Variants in GLI2 observed in about 807,000 individuals in gnomAD.
GLI2 encodes the protein GLI family zinc finger 2.
In GLI2, 22 loss-of-function variants were observed where a neutral mutation model predicts 78.9. The ratio of observed to expected loss-of-function variants is 0.28; its 90% CI spans 0.20 to 0.40. The LOEUF is 0.40. GLI2 is among the 10% of genes least tolerant of loss of function. GLI2 has a pLI of 1.00. For missense variants in GLI2, 2,097 were observed against 2,213.2 expected, an observed-to-expected ratio of 0.95 and a Z score of 1.05; for synonymous variants, 974 against 963.7, an observed-to-expected ratio of 1.01 and a Z score of -0.20.
At chr2:120,782,019 A>G (rs1352568236) in intron 1 of GLI2, among the ~76,000 whole-genome samples, 2 of 152,152 alleles carry the variant, frequency 1.3e-5, no homozygotes, top group Admixed American at 6.6e-5. Context: ...TGTGTATGCA[A>G]TTTTGTTTTA....
At chr2:120,827,306 G>A (rs1451051207) in intron 2 of GLI2, among the ~76,000 whole-genome samples, 1 of 152,216 alleles carries the variant, frequency 6.6e-6, no homozygotes, top group Non-Finnish European at 1.5e-5. Flanking sequence ...CTGTGAGCGG[G>A]TGATGAAGAG....
At chr2:120,776,440 G>A (rs569735475) in intron 1 of GLI2, among the ~76,000 whole-genome samples, 2 of 152,296 alleles carry the variant, frequency 1.3e-5, no homozygotes, top group South Asian at 2.1e-4. Flanking sequence ...CGTGTTTGGT[G>A]GCTGTGTAGA....
chr2:120,982,177 G>A (rs574284994), intron 10 of GLI2, among the ~76,000 whole-genome samples: 5 of 152,284 alleles, frequency 3.3e-5, no homozygotes, highest in Admixed American at 1.3e-4. Flanking sequence ...CCCCAAGCCA[G>A]AAAGAACTTA....
chr2:120,955,597 C>T (rs1413740787), intron 5 of GLI2, among the ~76,000 whole-genome samples, 167 bp downstream of exon 5: 1 of 152,186 alleles, frequency 6.6e-6, no homozygotes, highest in Non-Finnish European at 1.5e-5. Flanking sequence ...CTTTGGACAA[C>T]ACTTACTGAG....
rs563960005 is a variant in GLI2 at position 120,900,121 on chromosome 2, C to T, written c.149-27240C>T. Among the ~76,000 whole-genome samples the T allele has an allele frequency of 7.7e-4, 118 of 152,296 alleles. 2 individuals carry two copies. In the South Asian group the frequency reaches 0.023, roughly 30 times the overall value. The stretch of plus-strand genomic sequence containing the variant: ...AGGCAAGGCAGAAGAGGCAGAATCT[C>T]CTGGGGGTGGGAGGGTGGTTACAAA... On this transcript the variant is annotated intron_variant, in intron 2 of 13. Coordinates refer to ENST00000361492, the MANE Select transcript of GLI2 (RefSeq NM_001374353.1).
intron 1 of GLI2, among the ~76,000 whole-genome samples, chr2:120,761,606 GA>G (rs1683214706): frequency 6.6e-6 from 1 of 152,182 alleles, no homozygotes; most frequent in Non-Finnish European, 1.5e-5. Context: ...GGCAGAGGCA[GA>G]AGGGTCTGGG....
chr2:120,940,546 T>G (rs2104914229), intron 3 of GLI2, among the ~76,000 whole-genome samples: 1 of 152,292 alleles, frequency 6.6e-6, no homozygotes, highest in South Asian at 2.1e-4. Flanking sequence ...TGAATTATTT[T>G]CCTCCCACCC....
chr2:120,800,757 C>T lies in GLI2; in HGVS notation c.148+3289C>T, dbSNP rs1162952377. On this transcript the variant is annotated intron_variant, in intron 2 of 13. Transcript: ENST00000361492. This position sits in a 1 kb window ranked among gnomAD's most constrained non-coding sequence, Gnocchi z 4.1. ...TCCTGACCTCATGATCCGCCCGCCT[C>T]AGCCTCCCAAAGTGCCGGGATTACA... 1.3e-5 allele frequency among the ~76,000 whole-genome samples: 2 copies of T among 152,116 alleles called. No homozygotes were observed. The highest frequency in any genetic ancestry group is 6.5e-5 in the Admixed American group (1 of 15,274).
intron 2 of GLI2, among the ~76,000 whole-genome samples, chr2:120,895,074 C>T (rs1642082796): frequency 6.6e-6 from 1 of 152,170 alleles, no homozygotes; most frequent in Non-Finnish European, 1.5e-5. Flanking sequence ...GGGAGGGGCT[C>T]CCCGGTGGAG....
At position 120,990,904 on chromosome 2, in the gene GLI2, G is replaced by A. The variant is rs894748023; in HGVS notation, c.*229G>A. On this transcript the variant is annotated 3_prime_UTR_variant, in exon 14 of 14. Transcript: ENST00000361492. ...GAAAAAAGTCTCCATAGGACAGGAA[G>A]GAATGCAAAACTCATTTACACAGTG... is the stretch of plus-strand genomic sequence containing the variant. 1 of 565,158 alleles carries A rather than the reference G, an allele frequency of 1.8e-6. No individual in the cohort carries two copies. The allele number at this position is 565,158 out of a possible 1,614,324, so 35.0% of individuals were successfully genotyped here.
At chr2:120,928,275 G>A (rs1260429135) in intron 3 of GLI2, among the ~76,000 whole-genome samples, 1 of 152,102 alleles carries the variant, frequency 6.6e-6, no homozygotes, top group Non-Finnish European at 1.5e-5. Context: ...TTCATGCCAA[G>A]GTGCTGTCTG....
intron 2 of GLI2, among the ~76,000 whole-genome samples, chr2:120,920,980 G>T (rs138254045): frequency 4.6e-5 from 7 of 151,660 alleles, no homozygotes; most frequent in Admixed American, 4.6e-4. Context: ...TCAAGGCAGC[G>T]CCTATTCTTC....
At chr2:120,767,267 G>A (rs559239896) in intron 1 of GLI2, among the ~76,000 whole-genome samples, 1 of 151,886 alleles carries the variant, frequency 6.6e-6, no homozygotes, top group Non-Finnish European at 1.5e-5. Flanking sequence ...AGCACTGATC[G>A]CTTTTCCAAG....
intron 2 of GLI2, among the ~76,000 whole-genome samples, chr2:120,894,752 G>A (rs939166867): frequency 4.7e-5 from 7 of 149,032 alleles, no homozygotes; most frequent in African/African-American, 7.5e-5. Flanking sequence ...AGGCTGGAGC[G>A]CAGTGGCGCG....
At chr2:120,861,974 G>A (rs1044378765) in intron 2 of GLI2, among the ~76,000 whole-genome samples, 2 of 152,206 alleles carry the variant, frequency 1.3e-5, no homozygotes, top group Admixed American at 1.3e-4. Context: ...TTATACATCT[G>A]AGGGGTGAAC....
At chr2:120,866,897 C>G (rs1265029849) in intron 2 of GLI2, 1 of 152,178 alleles carries the variant, frequency 6.6e-6, no homozygotes, top group Non-Finnish European at 1.5e-5. Context: ...GGTTCAGATC[C>G]CCCCATGACC....
intron 2 of GLI2, among the ~76,000 whole-genome samples, chr2:120,869,492 T>C (rs1346746035): frequency 6.6e-6 from 1 of 152,216 alleles, no homozygotes. Flanking sequence ...ATGGATTTTA[T>C]GAAATGGCCA....
At chr2:120,772,849 C>T (rs765506185) in intron 1 of GLI2, among the ~76,000 whole-genome samples, 21 of 152,144 alleles carry the variant, frequency 1.4e-4, no homozygotes, top group Admixed American at 2.6e-4. Flanking sequence ...ATGCAGCCAC[C>T]GTTAGGACAG....
chr2:120,749,534 G>C (rs1201314442), intron 1 of GLI2, among the ~76,000 whole-genome samples: 1 of 152,338 alleles, frequency 6.6e-6, no homozygotes, highest in African/African-American at 2.4e-5. Context: ...AGAGTTCCAG[G>C]CTGGCTTTGC....
Sources: allele counts gnomAD v4.1 joint callset (sites outside exome capture counted in the v4.1 genomes callset), GRCh38; gene constraint gnomAD v4.1.1; non-coding constraint Gnocchi (gnomAD v3.1); transcripts MANE v1.5; gene names NCBI Gene and HGNC (gene_info 2026-07-23, HGNC 2026-07-21).